SPTBN1: variants seen among roughly 807,000 people sequenced by gnomAD.
SPTBN1 encodes spectrin beta chain, non-erythrocytic 1.
In SPTBN1, 32 loss-of-function variants were observed where a neutral mutation model predicts 266.4. The ratio of observed to expected loss-of-function variants is 0.12; its 90% CI spans 0.09 to 0.16. The LOEUF (loss-of-function observed/expected upper bound fraction) is 0.16. SPTBN1 is among the 10% of genes least tolerant of loss of function. SPTBN1 has a pLI of 1.00. For missense variants in SPTBN1, 2,296 were observed against 3,067.1 expected (o/e 0.75, Z 5.94); for synonymous variants, 1,336 against 1,162.2 (o/e 1.15, Z -3.04).
intron 1 of SPTBN1, among the ~76,000 whole-genome samples, chr2:54,476,332 G>C (rs932975588): frequency 1.3e-5 from 2 of 152,110 alleles, no homozygotes; most frequent in African/African-American, 4.8e-5. Context: ...GGGTATGTGT[G>C]ATCATTAAAA....
chr2:54,666,265 A>T (rs915286583), intron 34 of SPTBN1, among the ~76,000 whole-genome samples, 177 bp downstream of exon 34: 1 of 152,208 alleles, frequency 6.6e-6, no homozygotes, highest in African/African-American at 2.4e-5. Context: ...ATTCTTTGGC[A>T]ACTGTGGCCA....
intron 1 of SPTBN1, among the ~76,000 whole-genome samples, chr2:54,489,780 T>C (rs1668592363): frequency 6.6e-6 from 1 of 152,244 alleles, no homozygotes; most frequent in Admixed American, 6.5e-5. Context: ...ACAAAGAGCG[T>C]GCATACATTT....
Position 54,631,440 on chromosome 2 carries a change from G to A in SPTBN1, c.3393G>A (p.Gly1131=), listed in dbSNP as rs1383229699. ...ACATGGGCGAGATGGTCACCCAGGG[G>A]CAGACCGATGCCCAGTACATGTTTC... ...MRDMGEMVTQ[G]QTDAQYMFLR... Residue 1131 remains glycine (G), a synonymous_variant, in exon 16 of 36, where the codon GGG becomes GGA. Coordinates refer to ENST00000356805, the MANE Select transcript of SPTBN1 (RefSeq NM_003128.3). The A allele has an allele frequency of 1.2e-6, 2 of 1,614,156 alleles. No individual in the cohort carries two copies. Among genetic ancestry groups the A allele is most frequent in the African/African-American group, 2.7e-5 (2 of 74,958 alleles).
chr2:54,533,270 TTTTCA>T lies in SPTBN1; in HGVS notation c.148+6711_148+6715del, dbSNP rs1223176645. On this transcript the variant is annotated intron_variant, in intron 2 of 35. Coordinates refer to ENST00000356805, the MANE Select transcript of SPTBN1 (RefSeq NM_003128.3). This position sits in a 1 kb window ranked among gnomAD's most constrained non-coding sequence, Gnocchi z 4.2. ...CGTATGAATTGCCTATTTCTTCAGT[TTTTCA>T]TTTCATATTTCCAGACCATGGTTGA... is the stretch of plus-strand genomic sequence containing the variant. Among the ~76,000 whole-genome samples, 2 of 151,998 alleles carry T rather than the reference TTTTCA, an allele frequency of 1.3e-5. No individual in the cohort carries two copies. Among genetic ancestry groups the T allele is most frequent in the African/African-American group, 4.8e-5 (2 of 41,356 alleles).
chr2:54,630,763 T>A, intron 15 of SPTBN1, 92 bp from the exon 16 acceptor site: 1 of 1,407,000 alleles, frequency 7.1e-7, no homozygotes, highest in South Asian at 1.7e-5. Flanking sequence ...AGAAAACAGA[T>A]AAGCAGCATT....
intron 7 of SPTBN1, among the ~76,000 whole-genome samples, chr2:54,619,720 G>A (rs565500097): frequency 1.3e-5 from 2 of 152,018 alleles, no homozygotes; most frequent in Admixed American, 6.6e-5. Flanking sequence ...CATTTTTTCT[G>A]GCTGTCCTCC....
In SPTBN1 at chr2:54,665,896, T is replaced by C; in HGVS notation, c.6660-19T>C. 6.3e-7 allele frequency: 1 copy of C among 1,580,842 alleles called. No individual in the cohort carries two copies. The highest frequency in any genetic ancestry group is 8.6e-7 in the Non-Finnish European group (1 of 1,164,526). Reference sequence around the variant, plus strand: ...GTAGAGCCTTTATCTCCCCCTGCCCTTTTTTTTAAACTGCACAGGTCCTGG... The same window carrying C: ...GTAGAGCCTTTATCTCCCCCTGCCCCTTTTTTTAAACTGCACAGGTCCTGG... On this transcript the variant is annotated intron_variant, in intron 33 of 35. Coordinates refer to ENST00000356805, the MANE Select transcript of SPTBN1 (RefSeq NM_003128.3).
At chr2:54,634,021 C>T (rs1678944011) in intron 17 of SPTBN1, among the ~76,000 whole-genome samples, 1 of 152,214 alleles carries the variant, frequency 6.6e-6, no homozygotes, top group Non-Finnish European at 1.5e-5. Context: ...CTTAAATGAG[C>T]ATGAGAAACA....
At chr2:54,483,173 C>G (rs541939702) in intron 1 of SPTBN1, among the ~76,000 whole-genome samples, 1 of 152,262 alleles carries the variant, frequency 6.6e-6, no homozygotes, top group South Asian at 2.1e-4. Flanking sequence ...GGAGAAAGAC[C>G]TGCCTCAATA....
At chr2:54,464,694 C>G (rs1001796054) in intron 1 of SPTBN1, among the ~76,000 whole-genome samples, 2 of 151,762 alleles carry the variant, frequency 1.3e-5, no homozygotes, top group Admixed American at 6.6e-5. Flanking sequence ...ATTTTGTTTT[C>G]TTTTGTTTTG....
chr2:54,554,955 C>A lies in SPTBN1; in HGVS notation c.148+28389C>A, dbSNP rs560149669. Reference sequence around the variant, plus strand: ...CCTCCTTTCTCGTTATTTTCTAACTCCCTGTAACCCAGCTTTTGCTTTTAT... The same window carrying A: ...CCTCCTTTCTCGTTATTTTCTAACTACCTGTAACCCAGCTTTTGCTTTTAT... On this transcript the variant is annotated intron_variant, in intron 2 of 35. Coordinates refer to ENST00000356805, the MANE Select transcript of SPTBN1 (RefSeq NM_003128.3). This position sits in a 1 kb window ranked among gnomAD's most constrained non-coding sequence, Gnocchi z 4.5. Among the ~76,000 whole-genome samples, 1 of 152,316 alleles carries A rather than the reference C, an allele frequency of 6.6e-6. No individual in the cohort carries two copies. The highest frequency in any genetic ancestry group is 1.5e-5 in the Non-Finnish European group (1 of 68,020).
At chr2:54,506,894 C>CTCTCTTTTT (rs5831310) in intron 1 of SPTBN1, among the ~76,000 whole-genome samples, 14 of 133,478 alleles carry the variant, frequency 1.0e-4, no homozygotes, top group Admixed American at 2.2e-4. Context: ...GGTTCTCTCT[C>CTCTCTTTTT]TTTTTTTTTT....
intron 1 of SPTBN1, among the ~76,000 whole-genome samples, chr2:54,457,803 G>C (rs565012328): frequency 1.9e-4 from 29 of 152,246 alleles, no homozygotes; most frequent in Non-Finnish European, 4.0e-4. Context: ...AGGTCAGCTA[G>C]GTGTGAGCAG....
intron 1 of SPTBN1, among the ~76,000 whole-genome samples, chr2:54,483,058 A>G (rs1365488441): frequency 6.6e-6 from 1 of 152,154 alleles, no homozygotes; most frequent in African/African-American, 2.4e-5. Context: ...CAGGGAAGAG[A>G]GAATGCAGCT....
chr2:54,624,408 G>T (rs937505312), intron 10 of SPTBN1, among the ~76,000 whole-genome samples: 1 of 152,180 alleles, frequency 6.6e-6, no homozygotes, highest in Admixed American at 6.5e-5. Flanking sequence ...TTTTTTAAAA[G>T]TGGCCCAGGG....
intron 2 of SPTBN1, among the ~76,000 whole-genome samples, chr2:54,547,364 T>C (rs1019281286): frequency 3.9e-5 from 6 of 152,246 alleles, no homozygotes; most frequent in Admixed American, 6.5e-5. Flanking sequence ...CATTCATCCA[T>C]TGATGGACAT....
At chr2:54,633,414 TGTGTGTGTGTGC>T (rs1390994088) in intron 17 of SPTBN1, among the ~76,000 whole-genome samples, 3 of 142,952 alleles carry the variant, frequency 2.1e-5, no homozygotes, top group African/African-American at 7.5e-5. Context: ...TTTACGTGTG[TGTGTGTGTGTGC>T]GTGTGTGTGT....
chr2:54,476,349 A>T (rs1183430219), intron 1 of SPTBN1, among the ~76,000 whole-genome samples: 3 of 152,176 alleles, frequency 2.0e-5, no homozygotes, highest in Non-Finnish European at 4.4e-5. Context: ...AAAAGTTTCT[A>T]ACTAAACATA....
intron 2 of SPTBN1, among the ~76,000 whole-genome samples, chr2:54,531,768 G>T (rs917027991): frequency 6.6e-6 from 1 of 151,790 alleles, no homozygotes; most frequent in Non-Finnish European, 1.5e-5. Flanking sequence ...TCATATCTGC[G>T]TCACTCATCG....
Sources: allele counts gnomAD v4.1 joint callset (sites outside exome capture counted in the v4.1 genomes callset), GRCh38; gene constraint gnomAD v4.1.1; non-coding constraint Gnocchi (gnomAD v3.1); transcripts MANE v1.5; gene names NCBI Gene and HGNC (gene_info 2026-07-23, HGNC 2026-07-21).